PDE1C: variants seen among roughly 807,000 people sequenced by gnomAD.
PDE1C encodes dual specificity calcium/calmodulin-dependent 3',5'-cyclic nucleotide phosphodiesterase 1C.
PDE1C carries 62 observed loss-of-function variants against 93.1 expected under a neutral mutation model. The ratio of observed to expected loss-of-function variants is 0.67; its 90% confidence interval spans 0.54 to 0.82. PDE1C has a LOEUF of 0.82. PDE1C is among the 40% of genes least tolerant of loss of function. The pLI is 0.00. For missense variants in PDE1C, 742 were observed against 884.6 expected (o/e 0.84, Z 2.04); for synonymous variants, 325 against 310.1 (o/e 1.05, Z -0.50).
chr7:32,012,446 C>G (rs1339241561), intron 2 of PDE1C, among the ~76,000 whole-genome samples: 1 of 152,170 alleles, frequency 6.6e-6, no homozygotes, highest in Non-Finnish European at 1.5e-5. Context: ...ACCCAACCAC[C>G]TCCCACCAGG....
the PDE1C span, among the ~76,000 whole-genome samples, chr7:31,697,490 C>T: frequency 3.3e-5 from 5 of 152,068 alleles, no homozygotes; most frequent in African/African-American, 4.8e-5. Context: ...ACTAATTGGC[C>T]AAATCCTCAA....
At chr7:32,112,844 GTGTATATA>G (rs1362638221) in intron 3 of PDE1C, among the ~76,000 whole-genome samples, 11 of 54,140 alleles carry the variant, frequency 2.0e-4, no homozygotes, top group Middle Eastern at 0.011. Flanking sequence ...GTGTGTGTGT[GTGTATATA>G]TATATATATA....
chr7:31,671,462 G>A, the PDE1C span, among the ~76,000 whole-genome samples: 12 of 152,136 alleles, frequency 7.9e-5, no homozygotes, highest in African/African-American at 2.2e-4. Context: ...ATTACCACCT[G>A]TTTCCAAGTA....
At chr7:32,282,485 A>AATAGATAGATAGATAGATAGATAGATAG (rs1554300214) in intron 1 of PDE1C, among the ~76,000 whole-genome samples, 10,942 of 143,814 alleles carry the variant, frequency 0.076, 510 homozygotes, top group East Asian at 0.15. Context: ...TCAAAAAAAA[A>AATAGATAGATAGATAGATAGATAGATAG]ATAGATAGAT....
chr7:31,663,855 A>G, the PDE1C span, among the ~76,000 whole-genome samples: 1 of 152,316 alleles, frequency 6.6e-6, no homozygotes, highest in East Asian at 1.9e-4. Flanking sequence ...ATTTCTTCAA[A>G]TACATTTCTG....
chr7:32,104,156 T>C (rs55790842), intron 3 of PDE1C, among the ~76,000 whole-genome samples: 30,934 of 152,034 alleles, frequency 0.2, 3,790 homozygotes, highest in Middle Eastern at 0.31. Flanking sequence ...GAATAAGACA[T>C]AAATTCCCAT....
intron 14 of PDE1C, among the ~76,000 whole-genome samples, chr7:31,821,624 G>C (rs1216986744): frequency 3.3e-5 from 5 of 152,130 alleles, no homozygotes; most frequent in African/African-American, 1.2e-4. Flanking sequence ...TATGGAAGGT[G>C]TTGGCTCCCT....
At chr7:32,160,793 G>A (rs1050202461) in intron 3 of PDE1C, among the ~76,000 whole-genome samples, 1 of 150,504 alleles carries the variant, frequency 6.6e-6, no homozygotes, top group Non-Finnish European at 1.5e-5. Flanking sequence ...CTGGGTGACA[G>A]AGCAATACTC....
intron 2 of PDE1C, among the ~76,000 whole-genome samples, chr7:31,959,386 T>A (rs1350215850): frequency 2.0e-5 from 3 of 152,072 alleles, no homozygotes; most frequent in Admixed American, 6.6e-5. Context: ...CTAATTTTTG[T>A]AGTTTTTAGT....
At chr7:32,392,821 C>T (rs910096763) in intron 1 of PDE1C, among the ~76,000 whole-genome samples, 19 of 151,884 alleles carry the variant, frequency 1.3e-4, no homozygotes, top group African/African-American at 2.7e-4. Context: ...GAGGCTGAGA[C>T]GGGCAGATCA....
chr7:32,332,604 A>G (rs1041163428), intron 1 of PDE1C, among the ~76,000 whole-genome samples: 1 of 152,226 alleles, frequency 6.6e-6, no homozygotes, highest in East Asian at 1.9e-4. Flanking sequence ...TAGGGGCACT[A>G]TTCATAAGTC....
rs1360254658 is a variant in PDE1C, at chr7:32,138,581, T to G, written c.308+31204A>C. Among the ~76,000 whole-genome samples the G allele has an allele frequency of 2.0e-5, 3 of 151,982 alleles. No individual in the cohort carries two copies. The East Asian group carries it at 5.8e-4, about 29-fold the overall frequency. On this transcript the variant is annotated intron_variant, in intron 3 of 18. Coordinates refer to the PDE1C transcript ENST00000396193. ...ACACAGAATACTGGGCAGACCAAGA[T>G]AAGAGAGAAAACAATAAGGTCAGGG...
intron 1 of PDE1C, among the ~76,000 whole-genome samples, chr7:32,414,545 C>T (rs1785234670): frequency 6.6e-6 from 1 of 152,084 alleles, no homozygotes; most frequent in South Asian, 2.1e-4. Flanking sequence ...AACAAGCATG[C>T]TTTTTTAAAA....
chr7:32,137,554 T>C (rs1277031487), intron 3 of PDE1C, among the ~76,000 whole-genome samples: 1 of 152,214 alleles, frequency 6.6e-6, no homozygotes, highest in Admixed American at 6.5e-5. Context: ...TCGCCACCTG[T>C]TGTATTTCCT....
chr7:32,215,108 G>A (rs147460217), intron 1 of PDE1C, among the ~76,000 whole-genome samples: 3 of 152,196 alleles, frequency 2.0e-5, no homozygotes, highest in East Asian at 1.9e-4. Flanking sequence ...CCACAGAACC[G>A]AGCAGCCCAT....
chr7:32,400,645 T>C (rs544409193), intron 1 of PDE1C, among the ~76,000 whole-genome samples: 1 of 152,346 alleles, frequency 6.6e-6, no homozygotes, highest in African/African-American at 2.4e-5. Context: ...TGGAAAACAC[T>C]GGACTAGAAG....
intron 1 of PDE1C, among the ~76,000 whole-genome samples, chr7:32,401,260 C>T (rs1784936408): frequency 1.3e-5 from 2 of 152,072 alleles, no homozygotes; most frequent in South Asian, 4.1e-4. Context: ...AAATGTAGGC[C>T]GGGTACAGTG....
In PDE1C at chr7:32,247,240, A is replaced by AAGACAAG. The variant is rs1554294775; in HGVS notation, c.86-37702_86-37701insCTTGTCT. On this transcript the variant is annotated intron_variant, in intron 1 of 18. Transcript: ENST00000396193. ...AAATGACTAGAGAGGTTTTGTGCGA[A>AAGACAAG]TTGAAGCAGTGGCCACAGACCAGGT... 3.3e-3 allele frequency among the ~76,000 whole-genome samples: 496 copies of AAGACAAG among 150,348 alleles called. 10 individuals are homozygous for AAGACAAG. The highest frequency in any genetic ancestry group is 6.8e-3 in the Middle Eastern group (2 of 292).
chr7:31,646,022 G>A, the PDE1C span, among the ~76,000 whole-genome samples: 1 of 152,118 alleles, frequency 6.6e-6, no homozygotes, highest in Non-Finnish European at 1.5e-5. Flanking sequence ...CTAGAATTAG[G>A]TACTCCAGTT....
Sources: gnomAD v4.1 joint callset for allele counts (sites outside exome capture counted in the v4.1 genomes callset) on GRCh38, gnomAD v4.1.1 for gene constraint, MANE v1.5 for transcripts, NCBI Gene and HGNC (gene_info 2026-07-23, HGNC 2026-07-21) for gene names.